SPECC1: variants seen among roughly 807,000 people sequenced by gnomAD.
The protein encoded by SPECC1 is sperm antigen with calponin homology and coiled-coil domains 1.
SPECC1 carries 62 observed loss-of-function variants against 104.1 expected under a neutral mutation model. The observed-to-expected ratio is 0.60, with a 90% confidence interval of 0.49 to 0.74. SPECC1 has a LOEUF of 0.74. Ranked by LOEUF, SPECC1 falls within the 30% of genes least tolerant of loss-of-function variation. The pLI, the probability that SPECC1 is intolerant of heterozygous loss-of-function variation, is 0.00. For synonymous variants in SPECC1, 513 were observed against 501.6 expected (o/e 1.02, Z -0.30); for missense variants, 1,306 against 1,310.5 (o/e 1.00, Z 0.05).
At chr17:20,051,133 T>TTTCCTTCTTTCTTTCCTTCTTTCTTTCC (rs61037968) in intron 1 of SPECC1, among the ~76,000 whole-genome samples, 1 of 40,830 alleles carries the variant, frequency 2.4e-5, no homozygotes, top group African/African-American at 7.8e-5. Context: ...TCTTTCTTTC[T>TTTCCTTCTTTCTTTCCTTCTTTCTTTCC]TTCTTTCCTT....
At chr17:20,133,339 C>T (rs1173529438) in intron 3 of SPECC1, among the ~76,000 whole-genome samples, 1 of 151,974 alleles carries the variant, frequency 6.6e-6, no homozygotes, top group Non-Finnish European at 1.5e-5. Context: ...GACAAATACA[C>T]GTACCTAGGA....
At chr17:20,115,054 C>T (rs755998284) in intron 3 of SPECC1, among the ~76,000 whole-genome samples, 6 of 151,632 alleles carry the variant, frequency 4.0e-5, no homozygotes, top group Non-Finnish European at 7.4e-5. Context: ...CAGAAGGATC[C>T]GAAAGATATA....
intron 1 of SPECC1, among the ~76,000 whole-genome samples, chr17:20,037,056 G>C (rs1567805954): frequency 6.6e-6 from 1 of 152,104 alleles, no homozygotes; most frequent in Admixed American, 6.5e-5. Flanking sequence ...TTTCTGCATT[G>C]ATTGATGTGA....
At chr17:20,133,650 C>T (rs1227008967) in intron 3 of SPECC1, among the ~76,000 whole-genome samples, 1 of 152,038 alleles carries the variant, frequency 6.6e-6, no homozygotes, top group African/African-American at 2.4e-5. Flanking sequence ...GTTGCAAACA[C>T]TGCAGGGATT....
At chr17:20,121,003 T>C (rs2048999688) in intron 3 of SPECC1, among the ~76,000 whole-genome samples, 1 of 152,210 alleles carries the variant, frequency 6.6e-6, no homozygotes, top group Admixed American at 6.5e-5. Context: ...CAAGACTATT[T>C]CCAGTTTCTG....
At chr17:20,169,095 A>C (rs1026037878) in intron 3 of SPECC1, among the ~76,000 whole-genome samples, 2 of 151,292 alleles carry the variant, frequency 1.3e-5, no homozygotes, top group Non-Finnish European at 2.9e-5. Context: ...CTGGTCTTGA[A>C]CTCCTGAGCT....
At chr17:20,151,281 T>C (rs1203353894) in intron 3 of SPECC1, among the ~76,000 whole-genome samples, 2 of 152,148 alleles carry the variant, frequency 1.3e-5, no homozygotes, top group African/African-American at 4.8e-5. Context: ...GCTACACTTT[T>C]TTGTGATGCT....
intron 2 of SPECC1, among the ~76,000 whole-genome samples, chr17:20,107,595 T>C (rs184032713): frequency 2.0e-3 from 299 of 152,120 alleles, no homozygotes; most frequent in African/African-American, 7.0e-3. Context: ...TAGCTGGGAT[T>C]ACAGGCATGT....
intron 12 of SPECC1, among the ~76,000 whole-genome samples, chr17:20,282,373 G>A (rs2040802031): frequency 6.6e-6 from 1 of 152,204 alleles, no homozygotes. Context: ...GCTCACCGTG[G>A]CCGCTGTCTC....
At chr17:20,190,816 G>C (rs1400342449) in intron 3 of SPECC1, among the ~76,000 whole-genome samples, 1 of 152,132 alleles carries the variant, frequency 6.6e-6, no homozygotes, top group Non-Finnish European at 1.5e-5. Context: ...TCCCTTGGGG[G>C]TGGGGGATGA....
rs1254882935 is a variant in SPECC1, at chr17:20,223,597, T to A, written c.1864-3816T>A. Among the ~76,000 whole-genome samples, 5 of 151,548 alleles carry A rather than the reference T, an allele frequency of 3.3e-5. No individual in the cohort carries two copies. The East Asian group carries it at 9.7e-4, about 29-fold the overall frequency. The stretch of plus-strand genomic sequence containing the variant: ...CTGAGGCAGGAGAATCGCTTGAACC[T>A]GGGAGGCAGAGGTTGCAGTGAGCCG... On this transcript the variant is annotated intron_variant, in intron 4 of 14. Coordinates refer to ENST00000395527, the MANE Select transcript of SPECC1 (RefSeq NM_001243439.2).
chr17:20,264,081 A>G (rs2040127124), intron 12 of SPECC1, among the ~76,000 whole-genome samples: 1 of 152,182 alleles, frequency 6.6e-6, no homozygotes, highest in Non-Finnish European at 1.5e-5. Context: ...GAGACACCTC[A>G]TAGTCTTGTT....
chr17:20,282,190 G>A (rs1371298873), intron 12 of SPECC1, among the ~76,000 whole-genome samples: 1 of 152,232 alleles, frequency 6.6e-6, no homozygotes, highest in Non-Finnish European at 1.5e-5. Context: ...AATGGAGGAA[G>A]CAAGAAAGAC....
At chr17:20,099,426 A>G (rs2047812595) in intron 2 of SPECC1, among the ~76,000 whole-genome samples, 1 of 149,070 alleles carries the variant, frequency 6.7e-6, no homozygotes, top group Non-Finnish European at 1.5e-5. Context: ...GGCTTATGCC[A>G]CTTTGGGAGG....
chr17:20,044,831 C>T (rs1017733208), intron 1 of SPECC1, among the ~76,000 whole-genome samples: 9 of 152,218 alleles, frequency 5.9e-5, no homozygotes, highest in South Asian at 4.1e-4. Context: ...TATTTATAAC[C>T]GCATTTTGAG....
At chr17:20,282,792 G>A (rs1336741960) in intron 12 of SPECC1, among the ~76,000 whole-genome samples, 1 of 152,132 alleles carries the variant, frequency 6.6e-6, no homozygotes, top group Non-Finnish European at 1.5e-5. Flanking sequence ...GGGTTGAGGA[G>A]GTCTGCATTT....
At chr17:20,225,031 C>T (rs1003429665) in intron 4 of SPECC1, among the ~76,000 whole-genome samples, 3 of 152,136 alleles carry the variant, frequency 2.0e-5, no homozygotes, top group Non-Finnish European at 2.9e-5. Context: ...CTGGGTCCTT[C>T]CTTTCATGAC....
At chr17:20,048,357 T>C (rs1297560494) in intron 1 of SPECC1, among the ~76,000 whole-genome samples, 2 of 152,008 alleles carry the variant, frequency 1.3e-5, no homozygotes, top group Non-Finnish European at 1.5e-5. Context: ...ATGGTCTCAA[T>C]CTCCTGACCT....
At chr17:20,217,586 T>A (rs1240115201) in intron 4 of SPECC1, among the ~76,000 whole-genome samples, 1 of 152,124 alleles carries the variant, frequency 6.6e-6, no homozygotes, top group East Asian at 1.9e-4. Flanking sequence ...AGACTCCAGG[T>A]GACAGGCCCT....
Sources: gnomAD v4.1 joint callset for allele counts (sites outside exome capture counted in the v4.1 genomes callset) on GRCh38, gnomAD v4.1.1 for gene constraint, MANE v1.5 for transcripts, NCBI Gene and HGNC (gene_info 2026-07-23, HGNC 2026-07-21) for gene names.